Variants in PHIP observed in about 807,000 individuals in gnomAD.
PHIP encodes PHIP subunit of CUL4-Ring ligase complex, also known as PH-interacting protein.
Under a neutral mutation model 236.8 loss-of-function variants are expected in PHIP, and 54 were observed. The observed-to-expected ratio is 0.23, with a 90% CI of 0.18 to 0.29. The LOEUF (loss-of-function observed/expected upper bound fraction) is 0.29. Among genes scored for constraint, PHIP ranks in the 10% least tolerant of loss-of-function variants. The probability of loss-of-function intolerance (pLI) is 1.00; values close to 1 mark genes in which losing one functional copy is unlikely to be tolerated. For synonymous variants in PHIP, 756 were observed against 718.9 expected (o/e 1.05, Z -0.83); for missense variants, 1,370 against 2,190.8 (o/e 0.63, Z 7.48).
At chr6:78,950,975 A>G in intron 35 of PHIP, among the ~76,000 whole-genome samples, 1 of 152,080 alleles carries the variant, frequency 6.6e-6, no homozygotes, top group East Asian at 1.9e-4. Flanking sequence ...ACTCTTTAGT[A>G]CATTTTAGTA....
chr6:78,987,415 A>C (rs1285594265), intron 21 of PHIP, among the ~76,000 whole-genome samples: 1 of 152,110 alleles, frequency 6.6e-6, no homozygotes, highest in Non-Finnish European at 1.5e-5. Context: ...ACCCAAAGCT[A>C]TTGGAGACTA....
At chr6:78,958,992 A>T (rs1766596960) in intron 31 of PHIP, among the ~76,000 whole-genome samples, 1 of 152,108 alleles carries the variant, frequency 6.6e-6, no homozygotes, top group Non-Finnish European at 1.5e-5. Context: ...AAAAGGAAAC[A>T]AGTAATTTTA....
chr6:78,969,935 C>T lies in PHIP; in HGVS notation c.3123-18G>A. ...CATGGTATCTAATTACAAACAGAAA[C>T]AAATTGATTAGGTCACATACCTAAA... On this transcript the variant is annotated intron_variant, in intron 26 of 39. Coordinates refer to ENST00000275034, the MANE Select transcript of PHIP (RefSeq NM_017934.7). 1 of 1,574,814 alleles carries T rather than the reference C, an allele frequency of 6.3e-7. No individual in the cohort carries two copies. The highest frequency in any genetic ancestry group is 8.7e-7 in the Non-Finnish European group (1 of 1,152,308).
chr6:79,022,273 G>A (rs1486908281), intron 9 of PHIP, among the ~76,000 whole-genome samples: 1 of 152,114 alleles, frequency 6.6e-6, no homozygotes, highest in Non-Finnish European at 1.5e-5. Flanking sequence ...TTAAATGAGT[G>A]TGATACATGT....
At chr6:78,991,198 A>G (rs969748968) in intron 19 of PHIP, among the ~76,000 whole-genome samples, 1 of 152,136 alleles carries the variant, frequency 6.6e-6, no homozygotes, top group Non-Finnish European at 1.5e-5. Flanking sequence ...AACTCTGTCT[A>G]CCCCAACTTG....
At chr6:79,000,457 T>C (rs1582199906) in intron 17 of PHIP, among the ~76,000 whole-genome samples, 1 of 152,082 alleles carries the variant, frequency 6.6e-6, no homozygotes, top group African/African-American at 2.4e-5. Flanking sequence ...GACTGGAATA[T>C]CAAAGATACA....
At chr6:79,077,799 C>G in intron 2 of PHIP, 56 bp downstream of exon 2, 1 of 1,055,386 alleles carries the variant, frequency 9.5e-7, no homozygotes, top group Non-Finnish European at 1.1e-6. Flanking sequence ...CCGCCTCCCT[C>G]CCCCACGCCC....
At chr6:79,000,969 G>C (rs1769953708) in intron 17 of PHIP, among the ~76,000 whole-genome samples, 1 of 151,966 alleles carries the variant, frequency 6.6e-6, no homozygotes, top group African/African-American at 2.4e-5. Context: ...GCAACTTCAT[G>C]CTAAATCCTT....
At chr6:78,993,729 C>G (rs1334405811) in intron 19 of PHIP, among the ~76,000 whole-genome samples, 1 of 152,112 alleles carries the variant, frequency 6.6e-6, no homozygotes, top group Admixed American at 6.5e-5. Context: ...TGACAATGCC[C>G]CTAATCACCC....
chr6:78,935,393 C>T lies in PHIP; in HGVS notation c.*5300G>A. The T allele has an allele frequency of 6.3e-6, 3 of 479,632 alleles. No homozygotes were observed. Among genetic ancestry groups the T allele is most frequent in the Non-Finnish European group, 8.2e-6 (3 of 367,998 alleles). 29.7% of individuals were successfully genotyped at this position (479,632 alleles called of 1,614,324 possible). A position where few individuals can be genotyped will look rare whatever the true frequency, so the allele number is the denominator to read the frequency against. On this transcript the variant is annotated 3_prime_UTR_variant, in exon 40 of 40. Coordinates refer to ENST00000275034, the MANE Select transcript of PHIP (RefSeq NM_017934.7). Reference sequence around the variant, plus strand: ...TTGGGATTCTTAGTCAATAAAAATGCATGCCAATCTGACAAAATTTCTAGG... The same window carrying T: ...TTGGGATTCTTAGTCAATAAAAATGTATGCCAATCTGACAAAATTTCTAGG...
rs1252711438 is a variant in PHIP, at chr6:78,937,899, TA to T, written c.*2793del. The T allele has an allele frequency of 6.6e-6, 1 of 151,700 alleles. No individual in the cohort carries two copies. The highest frequency in any genetic ancestry group is 1.5e-5 in the Non-Finnish European group (1 of 67,648). 9.4% of individuals were successfully genotyped at this position (151,700 alleles called of 1,614,324 possible). On this transcript the variant is annotated 3_prime_UTR_variant, in exon 40 of 40. Transcript: ENST00000275034. ...CTAGGGTTGGGTACTTAGAAATACCTAAATTGGTTTACACTTTCCATGCATG... is the reference window on the plus strand; with the variant it reads ...CTAGGGTTGGGTACTTAGAAATACCTAATTGGTTTACACTTTCCATGCATG...
rs1272264661 is a variant in PHIP at position 78,939,558 on chromosome 6, T to C, written c.*1135A>G. 6.6e-6 allele frequency: 1 copy of C among 151,944 alleles called. No individual in the cohort carries two copies. Among genetic ancestry groups the C allele is most frequent in the Admixed American group, 6.5e-5 (1 of 15,272 alleles). The allele number at this position is 151,944 out of a possible 1,614,324, so 9.4% of individuals were successfully genotyped here. Reference sequence around the variant, plus strand: ...TAAAAAATCCTGAAAAAAGAATTTATACCTGGGTAATAGTATATAAGTATG... The same window carrying C: ...TAAAAAATCCTGAAAAAAGAATTTACACCTGGGTAATAGTATATAAGTATG... On this transcript the variant is annotated 3_prime_UTR_variant, in exon 40 of 40. Coordinates refer to ENST00000275034, the MANE Select transcript of PHIP (RefSeq NM_017934.7).
At chr6:79,023,383 A>T (rs1161412522) in intron 9 of PHIP, among the ~76,000 whole-genome samples, 1 of 152,182 alleles carries the variant, frequency 6.6e-6, no homozygotes. Context: ...GATAAGAATG[A>T]GCCACTGTGC....
At chr6:79,002,236 T>A in intron 16 of PHIP, 112 bp from the exon 17 acceptor site, 1 of 638,018 alleles carries the variant, frequency 1.6e-6, no homozygotes, top group Non-Finnish European at 2.7e-6. Flanking sequence ...AATAATGGTA[T>A]TAAGCAACAA....
intron 30 of PHIP, among the ~76,000 whole-genome samples, chr6:78,962,200 C>T (rs564209118): frequency 3.6e-4 from 55 of 152,192 alleles, no homozygotes; most frequent in African/African-American, 1.2e-3. Flanking sequence ...CTTTCTCAAA[C>T]GTATCCCTTT....
At chr6:78,977,901 G>T (rs1056525842) in intron 24 of PHIP, among the ~76,000 whole-genome samples, 2 of 151,880 alleles carry the variant, frequency 1.3e-5, no homozygotes, top group African/African-American at 2.4e-5. Context: ...ACTTTATACT[G>T]TAAATTAGTG....
intron 29 of PHIP, among the ~76,000 whole-genome samples, chr6:78,964,115 C>A (rs980206153): frequency 3.3e-5 from 5 of 152,204 alleles, no homozygotes; most frequent in Admixed American, 3.3e-4. Context: ...TTCAAACTTT[C>A]TTTTTAATAA....
chr6:79,032,311 T>G (rs1014494888), intron 7 of PHIP, among the ~76,000 whole-genome samples: 54 of 152,180 alleles, frequency 3.5e-4, no homozygotes, highest in African/African-American at 1.2e-3. Flanking sequence ...CTGCATCCAT[T>G]GGACTCTTCC....
intron 6 of PHIP, among the ~76,000 whole-genome samples, chr6:79,049,712 AGAT>A (rs1246870092): frequency 6.6e-6 from 1 of 152,170 alleles, no homozygotes; most frequent in African/African-American, 2.4e-5. Context: ...CTCCAATTTT[AGAT>A]GATAATTAGA....
Sources: allele counts gnomAD v4.1 joint callset (sites outside exome capture counted in the v4.1 genomes callset), GRCh38; gene constraint gnomAD v4.1.1; transcripts MANE v1.5; gene names NCBI Gene and HGNC (gene_info 2026-07-23, HGNC 2026-07-21).